HACD2: variants seen among roughly 807,000 people sequenced by gnomAD.
HACD2 encodes 3-hydroxyacyl-CoA dehydratase 2, also known as very-long-chain (3R)-3-hydroxyacyl-CoA dehydratase 2.
HACD2 carries 15 observed loss-of-function variants against 31.0 expected under a neutral mutation model. That is an observed-to-expected ratio of 0.48 (90% CI 0.32 to 0.75). The LOEUF is 0.75. Among genes scored for constraint, HACD2 ranks in the 30% least tolerant of loss-of-function variants. The pLI, the probability that HACD2 is intolerant of heterozygous loss-of-function variation, is 0.03. For missense variants in HACD2, 283 were observed against 313.0 expected, an observed-to-expected ratio of 0.90 and a Z score of 0.72; for synonymous variants, 115 against 122.2, an observed-to-expected ratio of 0.94 and a Z score of 0.39.
At chr3:123,519,559 T>C (rs1328840914) in intron 4 of HACD2, among the ~76,000 whole-genome samples, 1 of 152,268 alleles carries the variant, frequency 6.6e-6, no homozygotes, top group East Asian at 1.9e-4. Flanking sequence ...AGAGATCAGT[T>C]ACCTGACTGA....
At chr3:123,520,422 T>C (rs1160905270) in intron 4 of HACD2, among the ~76,000 whole-genome samples, 2 of 152,238 alleles carry the variant, frequency 1.3e-5, no homozygotes, top group Admixed American at 6.5e-5. Context: ...GTGCAACTTC[T>C]AGTCACATGT....
At chr3:123,541,704 A>G (rs1419722625) in intron 3 of HACD2, among the ~76,000 whole-genome samples, 3 of 152,246 alleles carry the variant, frequency 2.0e-5, no homozygotes, top group Non-Finnish European at 4.4e-5. Flanking sequence ...GCTTACATAG[A>G]TAGTTCAATA....
In HACD2 at chr3:123,510,465, C is replaced by T. The variant is rs147472343; in HGVS notation, c.382-7784G>A. 5.2e-3 allele frequency among the ~76,000 whole-genome samples: 795 copies of T among 152,306 alleles called. 9 individuals are homozygous for T. Among genetic ancestry groups the T allele is most frequent in the African/African-American group, 0.019 (771 of 41,558 alleles). Reference sequence around the variant, plus strand: ...GTTTTGTCATGTTGGCCAGGCTGCTCTTGAACTCCTGACCTCACATGATCT... The same window carrying T: ...GTTTTGTCATGTTGGCCAGGCTGCTTTTGAACTCCTGACCTCACATGATCT... On this transcript the variant is annotated intron_variant, in intron 4 of 6. Transcript: ENST00000383657.
intron 2 of HACD2, among the ~76,000 whole-genome samples, chr3:123,579,699 A>T (rs1439974944): frequency 6.6e-6 from 1 of 152,192 alleles, no homozygotes; most frequent in African/African-American, 2.4e-5. Flanking sequence ...TATATCAAGT[A>T]CTGGAAGTCT....
intron 3 of HACD2, among the ~76,000 whole-genome samples, chr3:123,546,851 CT>C (rs1289372254): frequency 6.6e-6 from 1 of 152,176 alleles, no homozygotes; most frequent in Non-Finnish European, 1.5e-5. Context: ...TTCAATTACA[CT>C]TTTCAGTCAT....
chr3:123,580,724 A>G (rs543475439), intron 2 of HACD2, among the ~76,000 whole-genome samples: 9 of 150,994 alleles, frequency 6.0e-5, no homozygotes, highest in Non-Finnish European at 3.0e-5. Flanking sequence ...TCAAGGCTGC[A>G]GTGAGCCACG....
chr3:123,551,126 G>C (rs1354921030), intron 3 of HACD2, among the ~76,000 whole-genome samples: 1 of 152,138 alleles, frequency 6.6e-6, no homozygotes, highest in Non-Finnish European at 1.5e-5. Context: ...CATGGAAAAG[G>C]GTTCCAGAAA....
intron 2 of HACD2, among the ~76,000 whole-genome samples, chr3:123,571,810 A>T (rs993666924): frequency 6.6e-6 from 1 of 152,156 alleles, no homozygotes; most frequent in Non-Finnish European, 1.5e-5. Context: ...GGTTTGTGGT[A>T]TTTTTGTTTT....
At chr3:123,509,252 C>T (rs934756376) in intron 4 of HACD2, among the ~76,000 whole-genome samples, 9 of 151,884 alleles carry the variant, frequency 5.9e-5, no homozygotes, top group African/African-American at 7.3e-5. Context: ...GGCATGGTGG[C>T]ATGTGCCTAT....
At chr3:123,530,615 G>A (rs986247022) in intron 3 of HACD2, among the ~76,000 whole-genome samples, 2 of 152,178 alleles carry the variant, frequency 1.3e-5, no homozygotes, top group East Asian at 3.9e-4. Context: ...CATTATGTTG[G>A]CCAGGATGGT....
intron 3 of HACD2, among the ~76,000 whole-genome samples, chr3:123,557,747 T>C (rs2056687752): frequency 6.6e-6 from 1 of 152,176 alleles, no homozygotes; most frequent in Non-Finnish European, 1.5e-5. Flanking sequence ...ACACACCTAT[T>C]AGAAGGGTCA....
At chr3:123,531,317 TTTTTC>T (rs10617130) in intron 3 of HACD2, among the ~76,000 whole-genome samples, 79,707 of 151,020 alleles carry the variant, frequency 0.53, 24,351 homozygotes, top group Non-Finnish European at 0.68. Context: ...ATTAACAGTG[TTTTTC>T]TTTTCTTTTC....
chr3:123,580,784 G>C (rs933049869), intron 2 of HACD2, among the ~76,000 whole-genome samples: 21 of 142,830 alleles, frequency 1.5e-4, no homozygotes, highest in Non-Finnish European at 3.0e-4. Context: ...ACAAGACCCT[G>C]TCTCAAGAAA....
At chr3:123,528,595 G>T (rs2107706987) in intron 3 of HACD2, 121 bp from the exon 4 acceptor site, 2 of 661,982 alleles carry the variant, frequency 3.0e-6, no homozygotes, top group South Asian at 3.6e-5. Flanking sequence ...CAACTGAAAG[G>T]TGTCTATATT....
chr3:123,568,689 A>G (rs919424156), intron 2 of HACD2, among the ~76,000 whole-genome samples: 4 of 152,204 alleles, frequency 2.6e-5, no homozygotes, highest in African/African-American at 4.8e-5. Flanking sequence ...GTGGCAAAAA[A>G]GTAATTTGAA....
intron 5 of HACD2, 46 bp downstream of exon 5, chr3:123,502,514 T>C (rs1444534447): frequency 6.3e-7 from 1 of 1,592,904 alleles, no homozygotes; most frequent in Admixed American, 1.7e-5. Flanking sequence ...GCAAATTCAA[T>C]GACAGATCAT....
In HACD2 at chr3:123,523,091, G is replaced by A. The variant is rs1215604659; in HGVS notation, c.381+5295C>T. On this transcript the variant is annotated intron_variant, in intron 4 of 6. Transcript: ENST00000383657. ...GAAGGCGTGCGGCCACAGGAGACAC[G>A]CCAACCAGGGAAGTGGCCTCAGAGG... is the stretch of plus-strand genomic sequence containing the variant. 2.0e-5 allele frequency among the ~76,000 whole-genome samples: 3 copies of A among 152,142 alleles called. No homozygotes were observed. In the East Asian group the frequency reaches 5.8e-4, roughly 29 times the overall value.
intron 5 of HACD2, among the ~76,000 whole-genome samples, 173 bp downstream of exon 5, chr3:123,502,387 C>T (rs774507895): frequency 3.3e-5 from 5 of 152,026 alleles, no homozygotes; most frequent in Non-Finnish European, 7.4e-5. Flanking sequence ...ACAGTATTTC[C>T]GTTAGTCAAA....
intron 3 of HACD2, among the ~76,000 whole-genome samples, chr3:123,563,404 G>C (rs761648472): frequency 6.6e-6 from 1 of 152,196 alleles, no homozygotes; most frequent in Non-Finnish European, 1.5e-5. Flanking sequence ...GTAGGCACTG[G>C]AAAGACTGGA....
Sources: gnomAD v4.1 joint callset for allele counts (sites outside exome capture counted in the v4.1 genomes callset) on GRCh38, gnomAD v4.1.1 for gene constraint, MANE v1.5 for transcripts, NCBI Gene and HGNC (gene_info 2026-07-23, HGNC 2026-07-21) for gene names.